The following WNT3A variants were observed in gnomAD, a reference collection of about 807,000 sequenced individuals.
WNT3A encodes protein Wnt-3a.
WNT3A carries 17 observed loss-of-function variants against 37.0 expected under a neutral mutation model. The ratio of observed to expected loss-of-function variants is 0.46; its 90% CI spans 0.31 to 0.69. WNT3A has a LOEUF of 0.69. Ranked by LOEUF, WNT3A falls within the 30% of genes least tolerant of loss-of-function variation. WNT3A has a pLI of 0.05. For missense variants in WNT3A, 411 were observed against 510.2 expected (o/e 0.81, Z 1.87); for synonymous variants, 187 against 211.0 (o/e 0.89, Z 0.99).
intron 2 of WNT3A, among the ~76,000 whole-genome samples, chr1:228,034,495 T>G (rs547500144): frequency 6.6e-6 from 1 of 152,328 alleles, no homozygotes; most frequent in East Asian, 1.9e-4. Context: ...AGTGCCATGA[T>G]GAATAGCAGA....
At chr1:228,055,175 AAAAAATAT>A (rs1213820833) in intron 3 of WNT3A, among the ~76,000 whole-genome samples, 1 of 59,216 alleles carries the variant, frequency 1.7e-5, no homozygotes, top group South Asian at 7.3e-4. Flanking sequence ...AAAAAAAAAA[AAAAAATAT>A]ATATATATAT....
chr1:228,016,808 C>T (rs4653895), intron 1 of WNT3A, among the ~76,000 whole-genome samples: 27,301 of 151,918 alleles, frequency 0.18, 3,186 homozygotes, highest in African/African-American at 0.32. Context: ...GTGTCACACG[C>T]GGGAGAGGGG....
At chr1:228,043,510 A>T (rs1001307259) in intron 2 of WNT3A, among the ~76,000 whole-genome samples, 1 of 152,168 alleles carries the variant, frequency 6.6e-6, no homozygotes, top group African/African-American at 2.4e-5. Context: ...GGCACTTCCC[A>T]CGGGCAAGAT....
chr1:228,044,907 C>T (rs969474859), intron 2 of WNT3A, among the ~76,000 whole-genome samples: 1 of 152,224 alleles, frequency 6.6e-6, no homozygotes, highest in Admixed American at 6.5e-5. Context: ...ATCTGAGCCT[C>T]TCTGCAGAGA....
In WNT3A at chr1:228,050,880, C is replaced by CGCCACAT. The variant is rs769435124; in HGVS notation, c.540_541insCACATGC (p.Ser181HisfsTer51). On this transcript the variant is annotated frameshift_variant, in exon 3 of 4. Transcript: ENST00000284523. LOFTEE classifies it high-confidence loss of function. The surrounding 1 kb of genome is among the most constrained non-coding windows in gnomAD (Gnocchi z 5.0). ...CGCCCGGGAGAACCGGCCAGATGCC[C>CGCCACAT]GCTCAGCCATGAACCGCCACAACAA... 5 of 1,575,234 alleles carry CGCCACAT rather than the reference C, an allele frequency of 3.2e-6. No individual in the cohort carries two copies. Among genetic ancestry groups the CGCCACAT allele is most frequent in the Non-Finnish European group, 4.3e-6 (5 of 1,158,104 alleles).
chr1:228,024,223 G>T (rs2030800194), intron 2 of WNT3A, among the ~76,000 whole-genome samples: 1 of 152,242 alleles, frequency 6.6e-6, no homozygotes, highest in Admixed American at 6.5e-5. Flanking sequence ...GGTCAAGGCT[G>T]CAATGGGCTG....
At position 228,039,976 on chromosome 1, in the gene WNT3A, G is replaced by T. The variant is rs1475996628; in HGVS notation, c.314-10680G>T. ...CCTCTGGACCAACAGGCATGTCCCAGGAGCCCAGGAGTCCCAGGCTGTCCC... is the reference window on the plus strand; with the variant it reads ...CCTCTGGACCAACAGGCATGTCCCATGAGCCCAGGAGTCCCAGGCTGTCCC... On this transcript the variant is annotated intron_variant, in intron 2 of 3. Transcript: ENST00000284523. This position sits in a 1 kb window ranked among gnomAD's most constrained non-coding sequence, Gnocchi z 4.1. 6.6e-6 allele frequency among the ~76,000 whole-genome samples: 1 copy of T among 152,182 alleles called. No homozygotes were observed. The highest frequency in any genetic ancestry group is 2.4e-5 in the African/African-American group (1 of 41,442).
chr1:228,012,050 C>T (rs912507971), intron 1 of WNT3A, among the ~76,000 whole-genome samples: 24 of 152,368 alleles, frequency 1.6e-4, no homozygotes, highest in South Asian at 6.2e-4. Context: ...CTTGTTCTAA[C>T]GATGTTTGCT....
chr1:228,012,270 G>A (rs892316673), intron 1 of WNT3A, among the ~76,000 whole-genome samples: 3 of 152,326 alleles, frequency 2.0e-5, no homozygotes, highest in Admixed American at 2.0e-4. Context: ...TCTCCATCCA[G>A]GGACCCCGTT....
chr1:228,030,526 G>T (rs1433089180), intron 2 of WNT3A, among the ~76,000 whole-genome samples: 1 of 152,132 alleles, frequency 6.6e-6, no homozygotes, highest in Non-Finnish European at 1.5e-5. Flanking sequence ...AGAAAGAGAG[G>T]TCTATGAACC....
At chr1:228,041,513 A>AAT (rs2031283759) in intron 2 of WNT3A, among the ~76,000 whole-genome samples, 1 of 150,862 alleles carries the variant, frequency 6.6e-6, no homozygotes, top group African/African-American at 2.5e-5. Flanking sequence ...CCATCTATCC[A>AAT]TCAATTCATC....
At chr1:228,029,393 T>C (rs2030942553) in intron 2 of WNT3A, among the ~76,000 whole-genome samples, 1 of 152,178 alleles carries the variant, frequency 6.6e-6, no homozygotes, top group African/African-American at 2.4e-5. Context: ...AGCACAGTCC[T>C]GCCGGCAGAG....
In WNT3A at chr1:228,046,469, G is replaced by A. The variant is rs556161796; in HGVS notation, c.314-4187G>A. Among the ~76,000 whole-genome samples, 329 of 148,388 alleles carry A rather than the reference G, an allele frequency of 2.2e-3. 2 individuals carry two copies. The highest frequency in any genetic ancestry group is 3.5e-3 in the Non-Finnish European group (233 of 67,184). Reference sequence around the variant, plus strand: ...GCATGTGTCTGTGTGTGCATTGCACGAGGCGTGCATGTGGGGGTTGTGTGT... The same window carrying A: ...GCATGTGTCTGTGTGTGCATTGCACAAGGCGTGCATGTGGGGGTTGTGTGT... On this transcript the variant is annotated intron_variant, in intron 2 of 3. Coordinates refer to ENST00000284523, the MANE Select transcript of WNT3A (RefSeq NM_033131.4).
chr1:228,059,676 T>A lies in WNT3A; in HGVS notation c.*211T>A. On this transcript the variant is annotated 3_prime_UTR_variant, in exon 4 of 4. Transcript: ENST00000284523. ...AGTGTCTCCTCTCTGGTGGCTGGGCTGCTCCTGAATGAGGCGGAGCTCCAG... is the reference window on the plus strand; with the variant it reads ...AGTGTCTCCTCTCTGGTGGCTGGGCAGCTCCTGAATGAGGCGGAGCTCCAG... The A allele has an allele frequency of 7.4e-7, 1 of 1,352,822 alleles. No individual in the cohort carries two copies. The highest frequency in any genetic ancestry group is 9.4e-7 in the Non-Finnish European group (1 of 1,060,074). 83.8% of individuals were successfully genotyped at this position (1,352,822 alleles called of 1,614,324 possible).
intron 2 of WNT3A, among the ~76,000 whole-genome samples, chr1:228,027,076 C>T (rs1446123106): frequency 6.6e-6 from 1 of 152,216 alleles, no homozygotes; most frequent in Non-Finnish European, 1.5e-5. Context: ...CTCCTGACCT[C>T]AGGTGATCCA....
Position 228,061,128 on chromosome 1 carries a change from G to A in WNT3A, c.*1663G>A, listed in dbSNP as rs542741046. On this transcript the variant is annotated 3_prime_UTR_variant, in exon 4 of 4. Coordinates refer to ENST00000284523, the MANE Select transcript of WNT3A (RefSeq NM_033131.4). ...CTGTGAACCGGCTCCCACCCTCAAG[G>A]TGCGGGGAGAAGAAGCGGCCAGGCG... 1 of 152,828 alleles carries A rather than the reference G, an allele frequency of 6.5e-6. No individual in the cohort carries two copies. The highest frequency in any genetic ancestry group is 2.1e-4 in the South Asian group (1 of 4,832). 9.5% of individuals were successfully genotyped at this position (152,828 alleles called of 1,614,324 possible). A position where few individuals can be genotyped will look rare whatever the true frequency, so the allele number is the denominator to read the frequency against.
chr1:228,009,178 AGCCTCCCCTTGGGG>A (rs2030298181), intron 1 of WNT3A, among the ~76,000 whole-genome samples: 1 of 152,030 alleles, frequency 6.6e-6, no homozygotes, highest in South Asian at 2.1e-4. Context: ...CCTGAGAAGC[AGCCTCCCCTTGGGG>A]GAGGCTGGCT....
chr1:228,060,053 G>A lies in WNT3A; in HGVS notation c.*588G>A. 3 of 1,193,270 alleles carry A rather than the reference G, an allele frequency of 2.5e-6. No individual in the cohort carries two copies. Among genetic ancestry groups the A allele is most frequent in the Non-Finnish European group, 3.2e-6 (3 of 942,708 alleles). The allele number at this position is 1,193,270 out of a possible 1,614,324, so 73.9% of individuals were successfully genotyped here. ...CCAGGGCAAGGCCCCTTCCACGGGG[G>A]CTGTGGCTCTGGGTGGGCGTGGCCT... On this transcript the variant is annotated 3_prime_UTR_variant, in exon 4 of 4. Coordinates refer to ENST00000284523, the MANE Select transcript of WNT3A (RefSeq NM_033131.4).
At chr1:228,021,359 A>G (rs2030701083) in intron 1 of WNT3A, among the ~76,000 whole-genome samples, 1 of 152,208 alleles carries the variant, frequency 6.6e-6, no homozygotes, top group Non-Finnish European at 1.5e-5. Context: ...ACAGCCTGGG[A>G]GCTGTTGGGA....
Sources: gnomAD v4.1 joint callset for allele counts (sites outside exome capture counted in the v4.1 genomes callset) on GRCh38, gnomAD v4.1.1 for gene constraint, Gnocchi (gnomAD v3.1) non-coding constraint, MANE v1.5 for transcripts, NCBI Gene and HGNC (gene_info 2026-07-23, HGNC 2026-07-21) for gene names.